The following UNC13C variants were observed in gnomAD, a reference collection of about 807,000 sequenced individuals.
UNC13C encodes protein unc-13 homolog C.
UNC13C carries 174 observed loss-of-function variants against 245.4 expected under a neutral mutation model. The observed-to-expected ratio is 0.71, with a 90% confidence interval of 0.63 to 0.80. The LOEUF is 0.80. Ranked by LOEUF, UNC13C falls within the 30% of genes least tolerant of loss-of-function variation. The pLI, the probability that UNC13C is intolerant of heterozygous loss-of-function variation, is 0.00. For synonymous variants in UNC13C, 992 were observed against 895.1 expected, an observed-to-expected ratio of 1.11 and a Z score of -1.93; for missense variants, 2,829 against 2,602.9, an observed-to-expected ratio of 1.09 and a Z score of -1.89.
the UNC13C span, among the ~76,000 whole-genome samples, chr15:53,927,052 A>C: frequency 6.6e-6 from 1 of 152,228 alleles, no homozygotes; most frequent in Non-Finnish European, 1.5e-5. Flanking sequence ...TACTTTCTAT[A>C]TTCCAGGCAC....
At chr15:54,259,210 T>C (rs2036359955) in intron 8 of UNC13C, among the ~76,000 whole-genome samples, 1 of 152,236 alleles carries the variant, frequency 6.6e-6, no homozygotes, top group South Asian at 2.1e-4. Context: ...TGACTTTCAA[T>C]GGGATGCAAA....
chr15:54,397,616 G>A (rs1303785105), intron 18 of UNC13C, among the ~76,000 whole-genome samples: 1 of 151,380 alleles, frequency 6.6e-6, no homozygotes, highest in African/African-American at 2.4e-5. Flanking sequence ...ATCTATTGGG[G>A]AGGAAAGAAA....
At chr15:54,483,506 C>T (rs1270191331) in intron 19 of UNC13C, among the ~76,000 whole-genome samples, 3 of 151,538 alleles carry the variant, frequency 2.0e-5, no homozygotes, top group African/African-American at 4.9e-5. Flanking sequence ...CTTTTCTTTT[C>T]TTTTTTTTGA....
chr15:54,324,274 T>C (rs779857404), intron 14 of UNC13C, among the ~76,000 whole-genome samples: 1 of 152,032 alleles, frequency 6.6e-6, no homozygotes, highest in African/African-American at 2.4e-5. Flanking sequence ...GCTGATTCTG[T>C]CATCTGGGAC....
the UNC13C span, among the ~76,000 whole-genome samples, chr15:53,937,288 C>T: frequency 2.6e-5 from 4 of 152,056 alleles, no homozygotes; most frequent in East Asian, 1.9e-4. Context: ...AATATCAGAG[C>T]TTGAAGACTA....
chr15:54,081,418 T>C (rs958582149), intron 2 of UNC13C, among the ~76,000 whole-genome samples: 14 of 152,140 alleles, frequency 9.2e-5, no homozygotes, highest in African/African-American at 3.4e-4. Context: ...TGTATGGCTG[T>C]CTGCCTCTTT....
At chr15:54,385,236 T>TG (rs2039812085) in intron 17 of UNC13C, among the ~76,000 whole-genome samples, 1 of 152,146 alleles carries the variant, frequency 6.6e-6, no homozygotes, top group Non-Finnish European at 1.5e-5. Flanking sequence ...TTTCACCGCT[T>TG]CTATTCAACA....
At chr15:53,862,359 G>T in the UNC13C span, among the ~76,000 whole-genome samples, 1 of 152,106 alleles carries the variant, frequency 6.6e-6, no homozygotes, top group Admixed American at 6.6e-5. Context: ...TATATTTTAA[G>T]CTCAATGCCT....
At chr15:53,866,825 C>T in the UNC13C span, among the ~76,000 whole-genome samples, 1 of 152,210 alleles carries the variant, frequency 6.6e-6, no homozygotes, top group Non-Finnish European at 1.5e-5. Flanking sequence ...AATAAATTTA[C>T]AGACTTTTCT....
chr15:54,013,129 T>C lies in UNC13C; in HGVS notation c.226T>C (p.Ser76Pro), dbSNP rs762460603. The change falls in exon 2 of 33, where the codon TCC becomes CCC. Residue 76 changes from serine (S) to proline (P), a missense_variant. Transcript: ENST00000260323. ...AAAGTGTTCATCCACTCACAACTTA[T>C]CCACTGAGGAAGACGAGGCCAGTAA... ...IAKCSSTHNL[S>P]TEEDEASKEF... is the part of the protein sequence containing the mutation. 2 of 1,613,846 alleles carry C rather than the reference T, an allele frequency of 1.2e-6. No homozygotes were observed. Among genetic ancestry groups the C allele is most frequent in the South Asian group, 1.1e-5 (1 of 91,076 alleles).
intron 19 of UNC13C, among the ~76,000 whole-genome samples, chr15:54,440,385 A>G (rs1233743382): frequency 6.6e-6 from 1 of 152,044 alleles, no homozygotes; most frequent in East Asian, 1.9e-4. Flanking sequence ...TTTAGCTCCC[A>G]TATATGAATG....
At chr15:54,077,660 C>T (rs2141111558) in intron 2 of UNC13C, among the ~76,000 whole-genome samples, 1 of 152,136 alleles carries the variant, frequency 6.6e-6, no homozygotes, top group East Asian at 1.9e-4. Flanking sequence ...CATGAGCCAC[C>T]ATGCCCGGCC....
At position 53,978,549 on chromosome 15, in the gene UNC13C, G is replaced by C. The variant is rs1260059864; in HGVS notation, c.-635G>C. On this transcript the variant is annotated 5_prime_UTR_variant, in exon 1 of 33. Transcript: ENST00000260323. ...GAGCCTGGGCGCTCCTCAACACACG[G>C]GAGAGATCCCATTTTGCTTTCTGGG... is the stretch of plus-strand genomic sequence containing the variant. Among the ~76,000 whole-genome samples, 1 of 152,190 alleles carries C rather than the reference G, an allele frequency of 6.6e-6. No individual in the cohort carries two copies. Among genetic ancestry groups the C allele is most frequent in the Non-Finnish European group, 1.5e-5 (1 of 68,032 alleles).
chr15:54,117,872 C>A (rs1056571807), intron 2 of UNC13C, among the ~76,000 whole-genome samples: 1 of 152,114 alleles, frequency 6.6e-6, no homozygotes, highest in African/African-American at 2.4e-5. Context: ...TGTACTACCA[C>A]GCCTGGCCCC....
rs1896499277 is a variant in UNC13C at position 54,546,727 on chromosome 15, G to A, written c.5702G>A (p.Ser1901Asn). ...TATATATATTTTTTTTTCAGATTAA[G>A]TCTCTCAGCAAAAATCTGTGAGAAA... The part of the protein sequence containing the change: ...SLMDFLDKTL[S>N]LSAKICEKTV... Residue 1901 changes from serine (S) to asparagine (N), a missense_variant, in exon 27 of 33, where the codon AGT becomes AAT. Ser to Asn is a conservative substitution (Grantham distance 46). Transcript: ENST00000260323. 8.7e-6 allele frequency: 13 copies of A among 1,490,912 alleles called. No individual in the cohort carries two copies. Among genetic ancestry groups the A allele is most frequent in the Non-Finnish European group, 1.2e-5 (13 of 1,119,176 alleles). The allele number at this position is 1,490,912 out of a possible 1,614,324, so 92.4% of individuals were successfully genotyped here.
At chr15:54,143,165 T>C (rs915893654) in intron 3 of UNC13C, 125 bp downstream of exon 3, 5 of 942,414 alleles carry the variant, frequency 5.3e-6, no homozygotes, top group Non-Finnish European at 6.6e-6. Flanking sequence ...ATCCCAGCTT[T>C]CCATTATTTG....
chr15:53,908,737 ATGAG>A, the UNC13C span, among the ~76,000 whole-genome samples: 28 of 105,280 alleles, frequency 2.7e-4, 2 homozygotes, highest in African/African-American at 1.1e-3. Flanking sequence ...GGGTGACAGA[ATGAG>A]AACCTTTCTC....
In UNC13C at chr15:54,420,687, A is replaced by AT. The variant is rs202242145; in HGVS notation, c.4933+5628dup. ...AATAATAGTCAGTGTGGATAAAACCATTTTTTTTCCCTTCGGCTTCATTTC... is the reference window on the plus strand; with the variant it reads ...AATAATAGTCAGTGTGGATAAAACCATTTTTTTTTCCCTTCGGCTTCATTTC... On this transcript the variant is annotated intron_variant, in intron 19 of 32. Coordinates refer to ENST00000260323, the MANE Select transcript of UNC13C (RefSeq NM_001080534.3). 5.1e-3 allele frequency among the ~76,000 whole-genome samples: 768 copies of AT among 151,754 alleles called. 6 individuals carry two copies. Among genetic ancestry groups the AT allele is most frequent in the African/African-American group, 0.017 (717 of 41,384 alleles).
chr15:53,887,873 G>T, the UNC13C span, among the ~76,000 whole-genome samples: 1 of 152,242 alleles, frequency 6.6e-6, no homozygotes, highest in East Asian at 1.9e-4. Context: ...TCCCTGCAAA[G>T]GACATGAACT....
Sources: allele counts gnomAD v4.1 joint callset (sites outside exome capture counted in the v4.1 genomes callset), GRCh38; gene constraint gnomAD v4.1.1; transcripts MANE v1.5; gene names NCBI Gene and HGNC (gene_info 2026-07-23, HGNC 2026-07-21).